Variants in SCGB2B2 observed in about 807,000 individuals in gnomAD.
SCGB2B2 encodes the protein secretoglobin family 2B member 2, also known as secretoglobin-like protein.
Under a neutral mutation model 7.6 loss-of-function variants are expected in SCGB2B2, and 11 were observed. That is an observed-to-expected ratio of 1.45 (90% CI 0.91 to 2.40). The LOEUF is 2.40. SCGB2B2 is among the 30% of genes most tolerant of loss of function. The pLI is 0.00. For missense variants in SCGB2B2, 104 were observed against 115.4 expected (o/e 0.90, Z 0.45); for synonymous variants, 50 against 48.6 (o/e 1.03, Z -0.12).
At chr19:34,586,590 T>G (rs528310508), downstream of SCGB2B2, among the ~76,000 whole-genome samples, 1 of 152,344 alleles carries the variant, frequency 6.6e-6, no homozygotes, top group East Asian at 1.9e-4. Context: ...TATGAATAGT[T>G]TATACCTTTT....
intron 1 of SCGB2B2, among the ~76,000 whole-genome samples, chr19:34,647,204 C>T (rs2067044599): frequency 1.3e-5 from 2 of 152,218 alleles, no homozygotes; most frequent in African/African-American, 4.8e-5. Flanking sequence ...ACAGGGGACA[C>T]TGAGGTCACA....
intron 1 of SCGB2B2, among the ~76,000 whole-genome samples, chr19:34,596,954 G>GGGAGGGGGGTCCTCTGAGGGT (rs1470945221): frequency 9.9e-5 from 15 of 151,992 alleles, no homozygotes; most frequent in South Asian, 6.2e-4. Context: ...GGTCTCTAGA[G>GGGAGGGGGGTCCTCTGAGGGT]GGAGGGGGGT....
At chr19:34,663,878 G>A (rs1247535545) in intron 1 of SCGB2B2, among the ~76,000 whole-genome samples, 4 of 152,110 alleles carry the variant, frequency 2.6e-5, no homozygotes, top group South Asian at 2.1e-4. Flanking sequence ...GGAGAGGACT[G>A]GGGGGAAGAG....
chr19:34,645,122 C>T (rs1469520282), intron 1 of SCGB2B2, among the ~76,000 whole-genome samples: 1 of 152,166 alleles, frequency 6.6e-6, no homozygotes, highest in Non-Finnish European at 1.5e-5. Context: ...CAGATGTCTA[C>T]CCAGAAATAT....
chr19:34,593,607 A>T lies in SCGB2B2; in HGVS notation c.247-8T>A, dbSNP rs763482075. 58 of 1,551,048 alleles carry T rather than the reference A, an allele frequency of 3.7e-5. 1 individual carries two copies. In the South Asian group the frequency reaches 6.3e-4, roughly 17 times the overall value. On this transcript the variant is annotated splice_region_variant and splice_polypyrimidine_tract_variant and intron_variant, in intron 3 of 3. Coordinates refer to ENST00000601241, the MANE Select transcript of SCGB2B2 (RefSeq NM_001025591.4). ...GCTCTGAAGGATCTTCTTCTGTTGG[A>T]AAAAGAAGAAAGAGAGGAGCCGGTG...
intron 1 of SCGB2B2, among the ~76,000 whole-genome samples, chr19:34,669,270 A>G (rs2067733471): frequency 6.6e-6 from 1 of 152,180 alleles, no homozygotes; most frequent in African/African-American, 2.4e-5. Flanking sequence ...TTCCTAATGC[A>G]CTTTCTATAT....
At chr19:34,661,139 G>T (rs1174843720) in intron 1 of SCGB2B2, among the ~76,000 whole-genome samples, 1 of 151,300 alleles carries the variant, frequency 6.6e-6, no homozygotes, top group African/African-American at 2.4e-5. Flanking sequence ...GGGGGGCTGG[G>T]GTAGGGATAC....
At chr19:34,621,445 A>AT (rs777464407) in intron 1 of SCGB2B2, among the ~76,000 whole-genome samples, 86 of 144,484 alleles carry the variant, frequency 6.0e-4, no homozygotes, top group East Asian at 8.0e-4. Flanking sequence ...AATCCTTGGC[A>AT]TTTTTTTTTT....
At chr19:34,644,362 G>GT (rs75799133) in intron 1 of SCGB2B2, among the ~76,000 whole-genome samples, 72,434 of 134,186 alleles carry the variant, frequency 0.54, 19,244 homozygotes, top group Middle Eastern at 0.66. Flanking sequence ...TTTTTTTTTT[G>GT]TTTTTTTTTT....
At chr19:34,620,178 G>A (rs1190589087) in intron 1 of SCGB2B2, among the ~76,000 whole-genome samples, 1 of 151,956 alleles carries the variant, frequency 6.6e-6, no homozygotes, top group African/African-American at 2.4e-5. Context: ...AATGACCCAG[G>A]TATATACCCA....
At chr19:34,650,117 GA>G (rs2067126248) in intron 1 of SCGB2B2, among the ~76,000 whole-genome samples, 1 of 151,518 alleles carries the variant, frequency 6.6e-6, no homozygotes, top group South Asian at 2.1e-4. Context: ...TCAGAGGACA[GA>G]AAATCTAGCG....
Position 34,603,795 on chromosome 19 carries a change from CTTTT to C in SCGB2B2, c.-2031-7205_-2031-7202del, listed in dbSNP as rs71165672. On this transcript the variant is annotated intron_variant, in intron 1 of 3. Coordinates refer to ENST00000601241, the MANE Select transcript of SCGB2B2 (RefSeq NM_001025591.4). ...TATCTTATTTTTTAATGTTTTATTACTTTTTTTTTTTTTTTTTAACAGATAACGT... is the reference window on the plus strand; with the variant it reads ...TATCTTATTTTTTAATGTTTTATTACTTTTTTTTTTTTTAACAGATAACGT... Among the ~76,000 whole-genome samples, 10 of 131,268 alleles carry C rather than the reference CTTTT, an allele frequency of 7.6e-5. No homozygotes were observed. In the South Asian group the frequency reaches 2.4e-3, roughly 31 times the overall value. The allele number at this position is 131,268 out of a possible 152,430, so 86.1% of individuals were successfully genotyped here.
intron 1 of SCGB2B2, among the ~76,000 whole-genome samples, chr19:34,663,504 T>C (rs989322287): frequency 2.0e-5 from 3 of 152,226 alleles, no homozygotes; most frequent in African/African-American, 7.2e-5. Context: ...AAATTAATGT[T>C]TACTGTATGT....
chr19:34,667,732 C>T (rs2067675058), intron 1 of SCGB2B2, among the ~76,000 whole-genome samples: 1 of 152,074 alleles, frequency 6.6e-6, no homozygotes, highest in African/African-American at 2.4e-5. Flanking sequence ...TTCAAAACAG[C>T]AAGAACCTGG....
rs1437301934 is a variant in SCGB2B2, at chr19:34,592,214, G to A, written c.*1341C>T. On this transcript the variant is annotated 3_prime_UTR_variant, in exon 4 of 4. Transcript: ENST00000601241. ...ATTTTGGGCAGTGGGAGTGAGGGAG[G>A]AGAAGAATGTTGAAAGGAAATCTGG... is the stretch of plus-strand genomic sequence containing the variant. Among the ~76,000 whole-genome samples the A allele has an allele frequency of 2.0e-5, 3 of 152,166 alleles. No homozygotes were observed.
intron 1 of SCGB2B2, among the ~76,000 whole-genome samples, chr19:34,675,063 C>G (rs1340063207): frequency 6.6e-6 from 1 of 152,192 alleles, no homozygotes; most frequent in Non-Finnish European, 1.5e-5. Flanking sequence ...AAAAGATTCT[C>G]AATCTCATTA....
At chr19:34,652,136 A>G (rs1214961098) in intron 1 of SCGB2B2, among the ~76,000 whole-genome samples, 2 of 151,308 alleles carry the variant, frequency 1.3e-5, no homozygotes, top group African/African-American at 4.9e-5. Flanking sequence ...TCAACTCGAA[A>G]TAGTTTACAG....
chr19:34,640,510 T>C lies in SCGB2B2; in HGVS notation c.-2032+35120A>G, dbSNP rs972189920. On this transcript the variant is annotated intron_variant, in intron 1 of 3. Coordinates refer to ENST00000601241, the MANE Select transcript of SCGB2B2 (RefSeq NM_001025591.4). The stretch of plus-strand genomic sequence containing the variant: ...CCCTGATTTTGCTACTATGGAAAGC[T>C]TAATTTAAAAGGTGGCTATTTCTTT... 1.3e-4 allele frequency: 20 copies of C among 152,350 alleles called. No homozygotes were observed. In the Middle Eastern group the frequency reaches 0.01, roughly 78 times the overall value. The allele number at this position is 152,350 out of a possible 1,614,324, so 9.4% of individuals were successfully genotyped here.
rs1371481433 is a variant in SCGB2B2, at chr19:34,642,162, C to T, written c.-2032+33468G>A. 5.3e-5 allele frequency among the ~76,000 whole-genome samples: 8 copies of T among 152,150 alleles called. No homozygotes were observed. In the East Asian group the frequency reaches 9.6e-4, roughly 18 times the overall value. On this transcript the variant is annotated intron_variant, in intron 1 of 3. Transcript: ENST00000601241. ...TTTCTGTGCAATTTAGTTGAGCAGA[C>T]GATAAAAGATCAGTTCTGTCTCAAA...
Sources: allele counts gnomAD v4.1 joint callset (sites outside exome capture counted in the v4.1 genomes callset), GRCh38; gene constraint gnomAD v4.1.1; transcripts MANE v1.5; gene names NCBI Gene and HGNC (gene_info 2026-07-23, HGNC 2026-07-21).